GYS1: variants seen among roughly 807,000 people sequenced by gnomAD.
GYS1 encodes glycogen synthase 1.
Under a neutral mutation model 89.1 loss-of-function variants are expected in GYS1, and 60 were observed. That is an observed-to-expected ratio of 0.67 (90% CI 0.55 to 0.84). The LOEUF is 0.84. GYS1 is among the 40% of genes least tolerant of loss of function. The pLI is 0.00. For missense variants in GYS1, 888 were observed against 1,003.1 expected, an observed-to-expected ratio of 0.89 and a Z score of 1.55; for synonymous variants, 366 against 401.7, an observed-to-expected ratio of 0.91 and a Z score of 1.06.
rs776526120 is a variant in GYS1 at position 48,982,849 on chromosome 19, G to A, written c.824-12C>T. 3.4e-6 allele frequency: 5 copies of A among 1,457,338 alleles called. No individual in the cohort carries two copies. In the South Asian group the frequency reaches 5.7e-5, roughly 17 times the overall value. The allele number at this position is 1,457,338 out of a possible 1,614,324, so 90.3% of individuals were successfully genotyped here. A position where few individuals can be genotyped will look rare whatever the true frequency, so the allele number is the denominator to read the frequency against. ...GGGGGTCACAATATCTGGGATTGGGGGTGAGGGTCCCATGTTTTATTTGTT... is the reference window on the plus strand; with the variant it reads ...GGGGGTCACAATATCTGGGATTGGGAGTGAGGGTCCCATGTTTTATTTGTT... On this transcript the variant is annotated splice_polypyrimidine_tract_variant and intron_variant, in intron 5 of 15. Transcript: ENST00000323798.
rs544615533 is a variant in GYS1, at chr19:48,974,845, C to T, written c.1309-112G>A. 50 of 701,344 alleles carry T rather than the reference C, an allele frequency of 7.1e-5. No individual in the cohort carries two copies. In the Middle Eastern group the frequency reaches 9.2e-4, roughly 13 times the overall value. The allele number at this position is 701,344 out of a possible 1,614,324, so 43.4% of individuals were successfully genotyped here. On this transcript the variant is annotated intron_variant, in intron 10 of 15. Coordinates refer to ENST00000323798, the MANE Select transcript of GYS1 (RefSeq NM_002103.5). The stretch of plus-strand genomic sequence containing the variant: ...CCAAGGAGACCACAAATGCACCGGA[C>T]GTGGGGCAACAAACCCAAGTGATCA...
In GYS1 at chr19:48,968,892, C is replaced by T. The variant is rs1243466214; in HGVS notation, c.*396G>A. The T allele has an allele frequency of 1.5e-5, 7 of 476,622 alleles. No homozygotes were observed. Among genetic ancestry groups the T allele is most frequent in the Admixed American group, 7.0e-5 (3 of 43,092 alleles). The allele number at this position is 476,622 out of a possible 1,614,324, so 29.5% of individuals were successfully genotyped here. A position where few individuals can be genotyped will look rare whatever the true frequency, so the allele number is the denominator to read the frequency against. ...TGGTGGCCCGCATGCCGGGCCTGAG[C>T]GTGGCCTGCTCTGTATGCTGTAGAA... is the stretch of plus-strand genomic sequence containing the variant. On this transcript the variant is annotated 3_prime_UTR_variant, in exon 16 of 16. Coordinates refer to ENST00000323798, the MANE Select transcript of GYS1 (RefSeq NM_002103.5).
chr19:48,985,669 A>G (rs1014168922), intron 4 of GYS1, 64 bp from the exon 5 acceptor site: 2 of 1,588,038 alleles, frequency 1.3e-6, no homozygotes, highest in African/African-American at 2.7e-5. Flanking sequence ...AGGTCCAGAC[A>G]CTGGGGTCCC....
chr19:48,991,278 G>A lies in GYS1; in HGVS notation c.300+24C>T. ...GATGGCAGGCTGTCCACCCGCTTCT[G>A]CCCTGGGCTGGGCCACGTCCCACCT... On this transcript the variant is annotated intron_variant, in intron 2 of 15. Transcript: ENST00000323798. This position sits in a 1 kb window ranked among gnomAD's most constrained non-coding sequence, Gnocchi z 4.7. The A allele has an allele frequency of 6.2e-7, 1 of 1,611,580 alleles. No homozygotes were observed. The highest frequency in any genetic ancestry group is 8.5e-7 in the Non-Finnish European group (1 of 1,179,180).
rs766413823 is a variant in GYS1 at position 48,970,168 on chromosome 19, G to A, written c.1810-313C>T. ...AACACGGTCTTGTTCTGTTACTCTA[G>A]GATGGAGTGCAGTGGGTTTGAACAA... On this transcript the variant is annotated intron_variant, in intron 14 of 15. Coordinates refer to ENST00000323798, the MANE Select transcript of GYS1 (RefSeq NM_002103.5). 3.1e-5 allele frequency: 15 copies of A among 484,274 alleles called. No individual in the cohort carries two copies. The Admixed American group carries it at 3.4e-4, about 11-fold the overall frequency. The allele number at this position is 484,274 out of a possible 1,614,324, so 30.0% of individuals were successfully genotyped here.
At chr19:48,985,738 C>T (rs1341368390) in intron 4 of GYS1, 112 bp downstream of exon 4, 23 of 1,510,710 alleles carry the variant, frequency 1.5e-5, no homozygotes, top group Non-Finnish European at 2.0e-5. Context: ...GGTCTGGGGA[C>T]TTGGACTCCT....
intron 8 of GYS1, among the ~76,000 whole-genome samples, chr19:48,979,331 CTTTTCTTTTT>C (rs2038711206): frequency 2.2e-5 from 1 of 46,352 alleles, no homozygotes; most frequent in Non-Finnish European, 4.6e-5. Context: ...TTTCTTTTTT[CTTTTCTTTTT>C]TTTTTTTTTT....
intron 1 of GYS1, among the ~76,000 whole-genome samples, chr19:48,992,006 GAC>G: frequency 6.6e-6 from 1 of 152,146 alleles, no homozygotes; most frequent in Non-Finnish European, 1.5e-5. Context: ...GGACCTTGCT[GAC>G]CTGCCTCCCA....
In GYS1 at chr19:48,969,873, AGGGG is replaced by A; in HGVS notation, c.1810-22_1810-19del. The A allele has an allele frequency of 6.3e-6, 10 of 1,594,448 alleles. No individual in the cohort carries two copies. Among genetic ancestry groups the A allele is most frequent in the Non-Finnish European group, 7.7e-6 (9 of 1,162,790 alleles). ...ATATAGTACTAGGGGAAAGGAGGAG[AGGGG>A]GCAGAGGATGTGAGAGCCAGGCCCC... On this transcript the variant is annotated intron_variant, in intron 14 of 15. Transcript: ENST00000323798.
chr19:48,968,628 T>TGGTTCTAC lies in GYS1; in HGVS notation c.*652_*659dup. ...CCTCCAGAAGGAATGAGCAGCCAAGTGGTTCTACCACCTCTTGCTTGGCCA... is the reference window on the plus strand; with the variant it reads ...CCTCCAGAAGGAATGAGCAGCCAAGTGGTTCTACGGTTCTACCACCTCTTGCTTGGCCA... On this transcript the variant is annotated 3_prime_UTR_variant, in exon 16 of 16. Transcript: ENST00000323798. 1 of 454,258 alleles carries TGGTTCTAC rather than the reference T, an allele frequency of 2.2e-6. No homozygotes were observed. The highest frequency in any genetic ancestry group is 1.6e-5 in the South Asian group (1 of 64,476). The allele number at this position is 454,258 out of a possible 1,614,324, so 28.1% of individuals were successfully genotyped here. A position where few individuals can be genotyped will look rare whatever the true frequency, so the allele number is the denominator to read the frequency against.
At chr19:48,977,157 G>A (rs1323361035) in intron 10 of GYS1, among the ~76,000 whole-genome samples, 3 of 151,854 alleles carry the variant, frequency 2.0e-5, no homozygotes, top group Admixed American at 6.6e-5. Flanking sequence ...CCAGGCTGGT[G>A]TACAGTGGCA....
intron 2 of GYS1, among the ~76,000 whole-genome samples, chr19:48,989,029 C>CTCCT (rs148925681): frequency 1.3e-5 from 2 of 152,066 alleles, no homozygotes; most frequent in South Asian, 2.1e-4. Flanking sequence ...AGTCCACAGC[C>CTCCT]TCCTTCCTTC....
rs2038839078 is a variant in GYS1 at position 48,986,053 on chromosome 19, A to G, written c.493-18T>C. ...GCCAGGAACTGTGGGCAACAGGGACAGGGCCACTGTCTCCACGAGTGTTGG... is the reference window on the plus strand; with the variant it reads ...GCCAGGAACTGTGGGCAACAGGGACGGGGCCACTGTCTCCACGAGTGTTGG... On this transcript the variant is annotated intron_variant, in intron 3 of 15. Transcript: ENST00000323798. The G allele has an allele frequency of 6.2e-7, 1 of 1,611,812 alleles. No homozygotes were observed. The highest frequency in any genetic ancestry group is 8.5e-7 in the Non-Finnish European group (1 of 1,178,346).
At chr19:48,982,492 G>T in intron 6 of GYS1, 117 bp from the exon 7 acceptor site, 1 of 1,181,174 alleles carries the variant, frequency 8.5e-7, no homozygotes. Flanking sequence ...AGGTAATACA[G>T]AGGCATCACG....
At chr19:48,987,475 A>G in intron 2 of GYS1, 90 bp from the exon 3 acceptor site, 1 of 976,586 alleles carries the variant, frequency 1.0e-6, no homozygotes, top group Non-Finnish European at 1.5e-6. Context: ...TTGCAGGCAG[A>G]TGTCTATAGA....
At chr19:48,985,212 C>T (rs533331604) in intron 5 of GYS1, among the ~76,000 whole-genome samples, 16 of 152,184 alleles carry the variant, frequency 1.1e-4, no homozygotes, top group East Asian at 5.8e-4. Flanking sequence ...CCATGTCTGG[C>T]GAATATTTTA....
rs867957813 is a variant in GYS1 at position 48,981,306 on chromosome 19, G to A, written c.1169+224C>T. 5.7e-6 allele frequency: 3 copies of A among 524,148 alleles called. 1 individual carries two copies. The highest frequency in any genetic ancestry group is 4.0e-5 in the South Asian group (2 of 50,450). The allele number at this position is 524,148 out of a possible 1,614,324, so 32.5% of individuals were successfully genotyped here. ...TGTGCACCTGTAGTCCCAGCTACTCGAGAGGCTGAGGCAGATGACTTGCTT... is the reference window on the plus strand; with the variant it reads ...TGTGCACCTGTAGTCCCAGCTACTCAAGAGGCTGAGGCAGATGACTTGCTT... On this transcript the variant is annotated intron_variant, in intron 8 of 15. Coordinates refer to ENST00000323798, the MANE Select transcript of GYS1 (RefSeq NM_002103.5).
chr19:48,970,541 C>G lies in GYS1; in HGVS notation c.1809+5G>C. On this transcript the variant is annotated splice_donor_5th_base_variant and intron_variant, in intron 14 of 15. Transcript: ENST00000323798. ...CAGGAGAGGATAGGAAAGTGGGGGTCCTACCCGGCCTAGGTATTTCCAGTC... is the reference window on the plus strand; with the variant it reads ...CAGGAGAGGATAGGAAAGTGGGGGTGCTACCCGGCCTAGGTATTTCCAGTC... 1 of 1,613,038 alleles carries G rather than the reference C, an allele frequency of 6.2e-7. No homozygotes were observed. Among genetic ancestry groups the G allele is most frequent in the Non-Finnish European group, 8.5e-7 (1 of 1,179,618 alleles).
intron 10 of GYS1, among the ~76,000 whole-genome samples, chr19:48,976,804 GCC>G (rs1232402972): frequency 6.6e-6 from 1 of 151,760 alleles, no homozygotes; most frequent in Non-Finnish European, 1.5e-5. Flanking sequence ...TCGCTCTGTT[GCC>G]CAGTCTGGAG....
Sources: allele counts gnomAD v4.1 joint callset (sites outside exome capture counted in the v4.1 genomes callset), GRCh38; gene constraint gnomAD v4.1.1; non-coding constraint Gnocchi (gnomAD v3.1); transcripts MANE v1.5; gene names NCBI Gene and HGNC (gene_info 2026-07-23, HGNC 2026-07-21).